Variants in TRIM14 observed in about 807,000 individuals in gnomAD.
TRIM14 encodes the protein tripartite motif containing 14, also known as tripartite motif-containing protein 14.
TRIM14 carries 28 observed loss-of-function variants against 44.5 expected under a neutral mutation model. The observed-to-expected ratio is 0.63, with a 90% confidence interval of 0.47 to 0.86. The LOEUF (loss-of-function observed/expected upper bound fraction) is 0.86, where lower values mean the gene tolerates loss of function less well. Among genes scored for constraint, TRIM14 ranks in the 40% least tolerant of loss-of-function variants. TRIM14 has a pLI of 0.00. For synonymous variants in TRIM14, 299 were observed against 269.2 expected, an observed-to-expected ratio of 1.11 and a Z score of -1.08; for missense variants, 607 against 611.1, an observed-to-expected ratio of 0.99 and a Z score of 0.07.
chr9:98,105,441 C>T (rs111389796), intron 2 of TRIM14, among the ~76,000 whole-genome samples: 4 of 152,198 alleles, frequency 2.6e-5, no homozygotes, highest in African/African-American at 7.2e-5. Flanking sequence ...TAGCCAGGCA[C>T]GGTAGTGGGC....
At chr9:98,070,235 A>C (rs1829277936) in intron 6 of TRIM14, among the ~76,000 whole-genome samples, 1 of 152,072 alleles carries the variant, frequency 6.6e-6, no homozygotes, top group Non-Finnish European at 1.5e-5. Context: ...CTCCTGCTTC[A>C]GCCTCCCAAG....
At position 98,086,411 on chromosome 9, in the gene TRIM14, A is replaced by T. The variant is rs573799430; in HGVS notation, c.*1059T>A. On this transcript the variant is annotated 3_prime_UTR_variant, in exon 6 of 6. Coordinates refer to ENST00000341469, the MANE Select transcript of TRIM14 (RefSeq NM_014788.4). ...GCTGGGTGACCTGTGAGGCCCGCCT[A>T]ACTCAGCTCTTCTGTTACTCAGTGA... is the stretch of plus-strand genomic sequence containing the variant. The T allele has an allele frequency of 6.6e-6, 1 of 152,322 alleles. No homozygotes were observed. Among genetic ancestry groups the T allele is most frequent in the South Asian group, 2.1e-4 (1 of 4,824 alleles). 9.4% of individuals were successfully genotyped at this position (152,322 alleles called of 1,614,324 possible).
chr9:98,093,734 TTTA>T (rs10624964), intron 4 of TRIM14, among the ~76,000 whole-genome samples: 6 of 150,566 alleles, frequency 4.0e-5, no homozygotes, highest in African/African-American at 1.2e-4. Context: ...CCTGCCCTGG[TTTA>T]TTATTATTAT....
At position 98,095,335 on chromosome 9, in the gene TRIM14, C is replaced by A. The variant is rs569656350; in HGVS notation, c.538-306G>T. 7.9e-5 allele frequency among the ~76,000 whole-genome samples: 12 copies of A among 152,344 alleles called. No homozygotes were observed. The South Asian group carries it at 2.5e-3, about 32-fold the overall frequency. ...TGAAACCTACTCTGTGCCAGCTATG[C>A]ATGCAGAAGGCAGGGTCAGGCTGAC... On this transcript the variant is annotated intron_variant, in intron 3 of 5. Coordinates refer to ENST00000341469, the MANE Select transcript of TRIM14 (RefSeq NM_014788.4). The surrounding 1 kb of genome is among the most constrained non-coding windows in gnomAD (Gnocchi z 4.1).
At chr9:98,088,036 G>A in intron 5 of TRIM14, 31 bp from the exon 6 acceptor site, 3 of 1,449,150 alleles carry the variant, frequency 2.1e-6, no homozygotes, top group Non-Finnish European at 2.7e-6. Context: ...GACGCACCTG[G>A]TGGGCGGGGC....
At chr9:98,057,350 A>T in the TRIM14 span, among the ~76,000 whole-genome samples, 1 of 152,250 alleles carries the variant, frequency 6.6e-6, no homozygotes, top group African/African-American at 2.4e-5. Flanking sequence ...GACATTCTTC[A>T]GCGACACAGA....
chr9:98,043,170 C>T, the TRIM14 span, among the ~76,000 whole-genome samples: 2 of 145,670 alleles, frequency 1.4e-5, no homozygotes, highest in Non-Finnish European at 3.0e-5. Context: ...AGCTGACTAG[C>T]CCTAAATTTG....
chr9:98,114,528 G>A (rs1826976691), intron 1 of TRIM14, among the ~76,000 whole-genome samples: 1 of 152,042 alleles, frequency 6.6e-6, no homozygotes, highest in Non-Finnish European at 1.5e-5. Flanking sequence ...TAGAGACAGG[G>A]TTTCACCATG....
the TRIM14 span, among the ~76,000 whole-genome samples, chr9:98,049,545 A>G: frequency 6.6e-6 from 1 of 152,048 alleles, no homozygotes; most frequent in Admixed American, 6.6e-5. Flanking sequence ...GTAACTTTCT[A>G]TGTTGCTATG....
chr9:98,074,993 A>C (rs1359368321), intron 6 of TRIM14: 1 of 152,168 alleles, frequency 6.6e-6, no homozygotes. Flanking sequence ...AGACACAAAC[A>C]GGAAGGAGTG....
chr9:98,088,072 C>A (rs992141231), intron 5 of TRIM14, 67 bp from the exon 6 acceptor site: 1 of 1,379,060 alleles, frequency 7.3e-7, no homozygotes, highest in South Asian at 1.6e-5. Flanking sequence ...CCCCCGGGAA[C>A]CCACCAACGC....
intron 6 of TRIM14, among the ~76,000 whole-genome samples, chr9:98,073,500 G>T (rs1169467900): frequency 5.3e-5 from 8 of 151,274 alleles, no homozygotes; most frequent in African/African-American, 1.9e-4. Context: ...GGCCAGGCTG[G>T]TGTCAAACTC....
At position 98,086,843 on chromosome 9, in the gene TRIM14, C is replaced by T. The variant is rs184222854; in HGVS notation, c.*627G>A. 4.7e-3 allele frequency: 727 copies of T among 153,626 alleles called. 7 individuals are homozygous for T. Among genetic ancestry groups the T allele is most frequent in the Non-Finnish European group, 6.5e-3 (452 of 69,180 alleles). The allele number at this position is 153,626 out of a possible 1,614,324, so 9.5% of individuals were successfully genotyped here. On this transcript the variant is annotated 3_prime_UTR_variant, in exon 6 of 6. Transcript: ENST00000341469. ...TTTTTTTTGTTATTTCATGGAAACT[C>T]CTGGAAGCCTTTTCATAGCTGAGGG...
Position 98,087,416 on chromosome 9 carries a change from G to A in TRIM14, c.*54C>T. ...CAGCCACGCTGATCTAGGTAGATTA[G>A]GCGAGACTGGGCAGCTGCGGCGTAC... On this transcript the variant is annotated 3_prime_UTR_variant, in exon 6 of 6. Transcript: ENST00000341469. 1 of 1,608,922 alleles carries A rather than the reference G, an allele frequency of 6.2e-7. No homozygotes were observed. Among genetic ancestry groups the A allele is most frequent in the Non-Finnish European group, 8.5e-7 (1 of 1,176,322 alleles).
At chr9:98,109,819 T>C (rs887069460) in intron 2 of TRIM14, 70 bp downstream of exon 2, 4 of 1,288,732 alleles carry the variant, frequency 3.1e-6, no homozygotes, top group East Asian at 2.3e-5. Flanking sequence ...TGGCTCCATA[T>C]TGGGGGTCCC....
rs1435635573 is a variant in TRIM14, at chr9:98,087,954, A to C, written c.845T>G (p.Leu282Arg). 1 of 1,564,474 alleles carries C rather than the reference A, an allele frequency of 6.4e-7. No homozygotes were observed. The highest frequency in any genetic ancestry group is 1.1e-5 in the South Asian group (1 of 87,450). Reference sequence around the variant, plus strand: ...GCGCACCGTCAGGCGATCGGCGGACAGGCGCAGGCGCGCGTGCATCGTGTC... The same window carrying C: ...GCGCACCGTCAGGCGATCGGCGGACCGGCGCAGGCGCGCGTGCATCGTGTC... The part of the protein sequence containing the change: ...DPDTMHARLR[L>R]SADRLTVRCG... The change falls in exon 6 of 6, where the codon CTG (leucine) becomes CGG (arginine). Residue 282 changes from leucine (L) to arginine (R), a missense_variant. Physicochemically the swap from Leu to Arg is moderately radical, Grantham distance 102 (BLOSUM62 -2). Coordinates refer to ENST00000341469, the MANE Select transcript of TRIM14 (RefSeq NM_014788.4).
intron 4 of TRIM14, among the ~76,000 whole-genome samples, chr9:98,094,394 T>A (rs1826107940): frequency 6.6e-6 from 1 of 152,060 alleles, no homozygotes; most frequent in Non-Finnish European, 1.5e-5. Context: ...ATGAGCACCC[T>A]CTAGCAGGAC....
downstream of TRIM14, among the ~76,000 whole-genome samples, chr9:98,068,407 A>G (rs188623133): frequency 1.1e-3 from 172 of 151,302 alleles, no homozygotes; most frequent in Non-Finnish European, 2.0e-3. Flanking sequence ...CCCAAATGCT[A>G]GGATTACAGG....
chr9:98,094,873 T>G lies in TRIM14; in HGVS notation c.694A>C (p.Lys232Gln). Reference protein sequence around the residue: ...TLQTPLDIRLKESINCQLSDP... With the variant: ...TLQTPLDIRLQESINCQLSDP... The stretch of plus-strand genomic sequence containing the variant: ...TGGTCACTCGGCGACTTACTTTCCT[T>G]AAGGCGAATGTCCAATGGCGTCTGT... The change falls in exon 4 of 6, where the codon AAG becomes CAG. Residue 232 changes from lysine (K) to glutamine (Q), a missense_variant. Lys to Gln is a moderately conservative substitution (Grantham distance 53). Transcript: ENST00000341469. 3 of 1,613,598 alleles carry G rather than the reference T, an allele frequency of 1.9e-6. No individual in the cohort carries two copies. In the South Asian group the frequency reaches 3.3e-5, roughly 18 times the overall value.
Sources: allele counts gnomAD v4.1 joint callset (sites outside exome capture counted in the v4.1 genomes callset), GRCh38; gene constraint gnomAD v4.1.1; non-coding constraint Gnocchi (gnomAD v3.1); transcripts MANE v1.5; gene names NCBI Gene and HGNC (gene_info 2026-07-23, HGNC 2026-07-21).